SORBS2: variants seen among roughly 807,000 people sequenced by gnomAD.
SORBS2 encodes sorbin and SH3 domain containing 2.
Under a neutral mutation model 97.7 loss-of-function variants are expected in SORBS2, and 46 were observed. The observed-to-expected ratio is 0.47, with a 90% CI of 0.37 to 0.60. The LOEUF (loss-of-function observed/expected upper bound fraction) is 0.60. SORBS2 is among the 20% of genes least tolerant of loss of function. SORBS2 has a pLI of 0.00. For synonymous variants in SORBS2, 476 were observed against 473.4 expected (o/e 1.01, Z -0.07); for missense variants, 1,316 against 1,282.3 (o/e 1.03, Z -0.40).
Position 185,732,507 on chromosome 4 carries a change from T to C in SORBS2, c.-198+42720A>G, listed in dbSNP as rs112441030. Among the ~76,000 whole-genome samples the C allele has an allele frequency of 2.0e-3, 308 of 152,354 alleles. 1 individual carries two copies. Among genetic ancestry groups the C allele is most frequent in the African/African-American group, 6.8e-3 (281 of 41,582 alleles). ...TTATTAGTCCTCTGGGTTCTGGCTT[T>C]ACTCAGAAATAGCCTGGACCACATG... On this transcript the variant is annotated intron_variant, in intron 2 of 20. Transcript: ENST00000284776.
intron 2 of SORBS2, among the ~76,000 whole-genome samples, chr4:185,746,731 G>T (rs1554251223): frequency 6.6e-6 from 1 of 152,210 alleles, no homozygotes; most frequent in Non-Finnish European, 1.5e-5. Flanking sequence ...GAATACCCAA[G>T]CAAAATACTC....
upstream of SORBS2, chr4:185,657,725 A>G: frequency 1.2e-6 from 1 of 835,608 alleles, no homozygotes; most frequent in Non-Finnish European, 1.8e-6. Context: ...CTTTTAACTC[A>G]TTTACTTTCC....
chr4:185,866,842 C>T (rs73019846), intron 1 of SORBS2, among the ~76,000 whole-genome samples: 403 of 152,198 alleles, frequency 2.6e-3, no homozygotes, highest in African/African-American at 9.2e-3. Context: ...ATACAAATTG[C>T]TTGTTTCAGT....
intron 1 of SORBS2, among the ~76,000 whole-genome samples, chr4:185,870,130 G>C (rs1474669044): frequency 1.3e-5 from 2 of 152,108 alleles, no homozygotes; most frequent in African/African-American, 4.8e-5. Flanking sequence ...AAACTTATTG[G>C]GCCATTGTAT....
At chr4:185,714,550 C>T (rs768838926) in intron 2 of SORBS2, among the ~76,000 whole-genome samples, 1 of 152,014 alleles carries the variant, frequency 6.6e-6, no homozygotes, top group Admixed American at 6.5e-5. Context: ...GTGTATTAAT[C>T]TGTTCTCGCA....
intron 1 of SORBS2, among the ~76,000 whole-genome samples, chr4:185,818,304 C>G (rs183266822): frequency 4.9e-4 from 74 of 152,242 alleles, no homozygotes; most frequent in Admixed American, 1.8e-3. Flanking sequence ...ATTCTCCTGC[C>G]TCAGCCTCCC....
rs537749237 is a variant in SORBS2, at chr4:185,625,244, A to G, written c.635-750T>C. On this transcript the variant is annotated intron_variant, in intron 6 of 14. Transcript: ENST00000418609. Reference sequence around the variant, plus strand: ...CAAAACTTTCATCAGAGGTGCATATACCATGCTTTTTTTCTCGGAAGAGTT... The same window carrying G: ...CAAAACTTTCATCAGAGGTGCATATGCCATGCTTTTTTTCTCGGAAGAGTT... Among the ~76,000 whole-genome samples, 12 of 152,342 alleles carry G rather than the reference A, an allele frequency of 7.9e-5. No individual in the cohort carries two copies. The South Asian group carries it at 1.7e-3, about 21-fold the overall frequency.
At chr4:185,710,859 G>A (rs2098413590) in intron 2 of SORBS2, among the ~76,000 whole-genome samples, 1 of 152,222 alleles carries the variant, frequency 6.6e-6, no homozygotes, top group Non-Finnish European at 1.5e-5. Flanking sequence ...GGTAAACACC[G>A]ATGTGCTCTC....
chr4:185,701,559 C>T (rs1009619451), intron 2 of SORBS2, among the ~76,000 whole-genome samples: 5 of 152,168 alleles, frequency 3.3e-5, no homozygotes, highest in African/African-American at 9.7e-5. Flanking sequence ...CCAGAACCCA[C>T]GCTGGGACCA....
intron 2 of SORBS2, among the ~76,000 whole-genome samples, chr4:185,687,973 G>C (rs1399623726): frequency 1.3e-5 from 2 of 152,122 alleles, no homozygotes; most frequent in African/African-American, 4.8e-5. Flanking sequence ...ATGACCTGCA[G>C]CCTTGCTAGG....
At chr4:185,652,061 C>A (rs1180731379) in intron 2 of SORBS2, among the ~76,000 whole-genome samples, 1 of 152,062 alleles carries the variant, frequency 6.6e-6, no homozygotes, top group African/African-American at 2.4e-5. Flanking sequence ...AAACCTCCAA[C>A]CCCTGGGCTC....
intron 1 of SORBS2, among the ~76,000 whole-genome samples, chr4:185,920,458 AT>A (rs1201195332): frequency 1.3e-5 from 2 of 152,198 alleles, no homozygotes; most frequent in Non-Finnish European, 2.9e-5. Flanking sequence ...CAGCCAGGGA[AT>A]TTGTAACAGA....
chr4:185,780,224 A>T lies in SORBS2; in HGVS notation c.-337-4858T>A, dbSNP rs565562765. Among the ~76,000 whole-genome samples the T allele has an allele frequency of 1.1e-4, 17 of 152,146 alleles. No individual in the cohort carries two copies. In the South Asian group the frequency reaches 3.5e-3, roughly 32 times the overall value. The stretch of plus-strand genomic sequence containing the variant: ...GAGATGGGGTTTTTCCATGTTGGTC[A>T]GGCTGGTCTCAAGCTCCTGACCTCA... On this transcript the variant is annotated intron_variant, in intron 1 of 20. Transcript: ENST00000284776.
intron 2 of SORBS2, among the ~76,000 whole-genome samples, chr4:185,688,535 CAAAA>C (rs777353430): frequency 1.9e-4 from 28 of 147,248 alleles, no homozygotes; most frequent in Non-Finnish European, 3.0e-4. Context: ...GATAGATAGA[CAAAA>C]AAGTCAGAAG....
chr4:185,802,936 G>A (rs374536019), intron 1 of SORBS2, among the ~76,000 whole-genome samples: 9 of 152,180 alleles, frequency 5.9e-5, no homozygotes, highest in East Asian at 1.9e-4. Flanking sequence ...AGGGGTTAGC[G>A]AGAGTGCATG....
At chr4:185,841,987 C>T (rs1485033884) in intron 1 of SORBS2, among the ~76,000 whole-genome samples, 3 of 152,200 alleles carry the variant, frequency 2.0e-5, no homozygotes, top group Non-Finnish European at 2.9e-5. Context: ...ACATCTACTC[C>T]GTGCTCAGGG....
At chr4:185,937,533 C>A (rs968629193) in intron 1 of SORBS2, among the ~76,000 whole-genome samples, 1 of 152,194 alleles carries the variant, frequency 6.6e-6, no homozygotes, top group Non-Finnish European at 1.5e-5. Flanking sequence ...AGCCCAGGAA[C>A]AAATGCACTA....
intron 1 of SORBS2, among the ~76,000 whole-genome samples, chr4:185,862,163 AAAAG>A (rs574082023): frequency 5.9e-5 from 9 of 152,298 alleles, no homozygotes; most frequent in Non-Finnish European, 7.4e-5. Flanking sequence ...TTGCAAGTGC[AAAAG>A]AGAGAGAGAA....
At chr4:185,780,676 A>T (rs1383025784) in intron 1 of SORBS2, among the ~76,000 whole-genome samples, 1 of 152,192 alleles carries the variant, frequency 6.6e-6, no homozygotes, top group Non-Finnish European at 1.5e-5. Context: ...TTTTTGCAGC[A>T]CTGTTTGAAA....
Sources: gnomAD v4.1 joint callset for allele counts (sites outside exome capture counted in the v4.1 genomes callset) on GRCh38, gnomAD v4.1.1 for gene constraint, MANE v1.5 for transcripts, NCBI Gene and HGNC (gene_info 2026-07-23, HGNC 2026-07-21) for gene names.